Variants in EHF observed in about 807,000 individuals in gnomAD.
EHF encodes ETS homologous factor.
EHF carries 14 observed loss-of-function variants against 45.1 expected under a neutral mutation model. That is an observed-to-expected ratio of 0.31 (90% confidence interval 0.21 to 0.49). The LOEUF (loss-of-function observed/expected upper bound fraction) is 0.49, where lower values mean the gene tolerates loss of function less well. Ranked by LOEUF, EHF falls within the 20% of genes least tolerant of loss-of-function variation. The pLI, the probability that EHF is intolerant of heterozygous loss-of-function variation, is 0.99. For synonymous variants in EHF, 136 were observed against 131.8 expected (o/e 1.03, Z -0.22); for missense variants, 282 against 371.4 (o/e 0.76, Z 1.98).
chr11:34,651,481 G>T, intron 4 of EHF, 61 bp from the exon 5 acceptor site: 2 of 1,415,088 alleles, frequency 1.4e-6, no homozygotes, highest in Non-Finnish European at 2.0e-6. Context: ...ATTAGAAAAC[G>T]CAGCCTCTTC....
intron 2 of EHF, among the ~76,000 whole-genome samples, chr11:34,645,219 GT>G (rs957006275): frequency 6.6e-6 from 1 of 152,084 alleles, no homozygotes; most frequent in African/African-American, 2.4e-5. Flanking sequence ...ACTATGGAAT[GT>G]TTTTTTAAGT....
At chr11:34,622,443 T>G (rs1852047143) in intron 1 of EHF, 1 of 1,273,036 alleles carries the variant, frequency 7.9e-7, no homozygotes, top group African/African-American at 1.5e-5. Flanking sequence ...AGTCTTTCAA[T>G]GTGTAAAAGG....
At chr11:34,637,340 G>T (rs1381080891) in intron 1 of EHF, among the ~76,000 whole-genome samples, 1 of 152,164 alleles carries the variant, frequency 6.6e-6, no homozygotes, top group South Asian at 2.1e-4. Context: ...CAGGCGCATG[G>T]GGCTGGGATG....
At chr11:34,626,413 T>TA (rs1259629601) in intron 1 of EHF, among the ~76,000 whole-genome samples, 2 of 152,018 alleles carry the variant, frequency 1.3e-5, no homozygotes, top group Non-Finnish European at 2.9e-5. Flanking sequence ...TTAGGAACCT[T>TA]AAAAAAAATC....
rs1856077827 is a variant in EHF at position 34,661,427 on chromosome 11, T to G, written c.*2496T>G. The stretch of plus-strand genomic sequence containing the variant: ...TTTGGCTCTTTCTGCAACCTTTCCA[T>G]TCAAGAGCAATCTTTGCTAAGGAGT... On this transcript the variant is annotated 3_prime_UTR_variant, in exon 9 of 9. Transcript: ENST00000257831. 1.3e-5 allele frequency among the ~76,000 whole-genome samples: 2 copies of G among 152,142 alleles called. No individual in the cohort carries two copies. The highest frequency in any genetic ancestry group is 2.4e-5 in the African/African-American group (1 of 41,438).
intron 1 of EHF, among the ~76,000 whole-genome samples, chr11:34,621,880 A>G (rs1017046138): frequency 5.3e-5 from 8 of 152,178 alleles, no homozygotes; most frequent in East Asian, 1.9e-4. Context: ...GCTTCACTGT[A>G]TAACAAGGGG....
At chr11:34,650,063 C>A (rs1293170704) in intron 4 of EHF, among the ~76,000 whole-genome samples, 1 of 152,242 alleles carries the variant, frequency 6.6e-6, no homozygotes, top group Non-Finnish European at 1.5e-5. Flanking sequence ...ATGTTCTGTG[C>A]TTTACAGGCC....
chr11:34,652,088 T>C (rs1167882567), intron 6 of EHF, among the ~76,000 whole-genome samples: 5 of 152,228 alleles, frequency 3.3e-5, no homozygotes, highest in African/African-American at 1.2e-4. Context: ...AATGAAAACT[T>C]ACTCTTGCAA....
rs757512472 is a variant in EHF at position 34,649,023 on chromosome 11, G to C, written c.348G>C (p.Gln116His). 6 of 1,613,846 alleles carry C rather than the reference G, an allele frequency of 3.7e-6. No individual in the cohort carries two copies. The highest frequency in any genetic ancestry group is 5.1e-6 in the Non-Finnish European group (6 of 1,179,874). ...SNLQHLKWNG[Q>H]CSSDLFQSTH... ...ATCCCAATCTGTCCTTCACAGGCCA[G>C]TGCAGTAGTGACCTGTTCCAGTCCA... Residue 116 changes from glutamine to histidine, a missense_variant, in exon 4 of 9, where the codon CAG becomes CAC. Gln to His is a conservative substitution (Grantham distance 24, BLOSUM62 0). Coordinates refer to ENST00000257831, the MANE Select transcript of EHF (RefSeq NM_012153.6).
At chr11:34,656,884 A>G in intron 6 of EHF, 24 bp from the exon 7 acceptor site, 2 of 1,611,792 alleles carry the variant, frequency 1.2e-6, no homozygotes, top group Non-Finnish European at 1.7e-6. Context: ...AGGTCAATTA[A>G]ACGCCTCTCA....
At chr11:34,639,696 G>GTAACCCTTA (rs1469891155) in intron 1 of EHF, among the ~76,000 whole-genome samples, 14 of 152,344 alleles carry the variant, frequency 9.2e-5, no homozygotes, top group African/African-American at 2.9e-4. Context: ...ACTCACTAAG[G>GTAACCCTTA]GTTAAGCCAC....
At chr11:34,648,056 A>G (rs1854754622) in intron 3 of EHF, among the ~76,000 whole-genome samples, 1 of 152,166 alleles carries the variant, frequency 6.6e-6, no homozygotes, top group South Asian at 2.1e-4. Flanking sequence ...GTTTGGTCTC[A>G]TCGCATGCTG....
chr11:34,632,495 A>C (rs1852983548), intron 1 of EHF: 1 of 1,531,818 alleles, frequency 6.5e-7, no homozygotes, highest in Admixed American at 2.0e-5. Flanking sequence ...CTGAGTGGAG[A>C]TTGGTTTTGG....
chr11:34,651,853 G>T, intron 6 of EHF, 48 bp downstream of exon 6: 4 of 1,523,222 alleles, frequency 2.6e-6, no homozygotes, highest in Non-Finnish European at 3.6e-6. Flanking sequence ...TGCTTAGGGA[G>T]AATCAGTGGG....
intron 4 of EHF, 28 bp from the exon 5 acceptor site, chr11:34,651,514 G>A: frequency 6.3e-7 from 1 of 1,593,276 alleles, no homozygotes; most frequent in South Asian, 1.1e-5. Flanking sequence ...AGAGATCGCT[G>A]ACTATTCTCC....
At chr11:34,641,246 A>G (rs1369922519) in intron 1 of EHF, among the ~76,000 whole-genome samples, 1 of 152,204 alleles carries the variant, frequency 6.6e-6, no homozygotes, top group Non-Finnish European at 1.5e-5. Flanking sequence ...TGATGAAGCT[A>G]ATAATCATCA....
chr11:34,649,074 A>G lies in EHF; in HGVS notation c.399A>G (p.Glu133=), dbSNP rs1448776998. ...QSTHNVIVKT[E]QTEPSIMNTW... ...CACACAATGTCATTGTCAAGACTGA[A>G]CAAACTGGTGAGTAGTAGTGGACAA... Residue 133 remains glutamate (E), a synonymous_variant, in exon 4 of 9, where the codon GAA becomes GAG. Coordinates refer to ENST00000257831, the MANE Select transcript of EHF (RefSeq NM_012153.6). 5 of 1,613,824 alleles carry G rather than the reference A, an allele frequency of 3.1e-6. No individual in the cohort carries two copies. The Admixed American group carries it at 6.7e-5, about 22-fold the overall frequency.
intron 1 of EHF, among the ~76,000 whole-genome samples, chr11:34,623,039 T>C (rs1017834717): frequency 6.6e-6 from 1 of 152,160 alleles, no homozygotes; most frequent in African/African-American, 2.4e-5. Context: ...AATTCAATTG[T>C]ATTTGTTATT....
rs536447526 is a variant in EHF at position 34,637,899 on chromosome 11, C to A, written c.-3-4729C>A. Among the ~76,000 whole-genome samples the A allele has an allele frequency of 4.8e-3, 696 of 145,890 alleles. 8 individuals are homozygous for A. The highest frequency in any genetic ancestry group is 0.017 in the African/African-American group (673 of 39,678). On this transcript the variant is annotated intron_variant, in intron 1 of 8. Transcript: ENST00000257831. ...GGATAATCTACATTTCATTTCACTC[C>A]TTTTTTTTTTTTTCCTTTTTGAGTC...
Sources: allele counts gnomAD v4.1 joint callset (sites outside exome capture counted in the v4.1 genomes callset), GRCh38; gene constraint gnomAD v4.1.1; transcripts MANE v1.5; gene names NCBI Gene and HGNC (gene_info 2026-07-23, HGNC 2026-07-21).